HECW2: variants seen among roughly 807,000 people sequenced by gnomAD.
HECW2 encodes the protein E3 ubiquitin-protein ligase HECW2.
A neutral mutation model predicts 175.2 loss-of-function variants in HECW2; 61 were observed. That is an observed-to-expected ratio of 0.35 (90% CI 0.28 to 0.43). The LOEUF (loss-of-function observed/expected upper bound fraction) is 0.43, where lower values mean the gene tolerates loss of function less well. HECW2 is among the 20% of genes least tolerant of loss of function. The pLI is 1.00. For missense variants in HECW2, 1,524 were observed against 2,000.5 expected (o/e 0.76, Z 4.54); for synonymous variants, 671 against 731.0 (o/e 0.92, Z 1.32).
At position 196,319,808 on chromosome 2, in the gene HECW2, T is replaced by C; in HGVS notation, c.1082A>G (p.His361Arg). 1 of 1,614,240 alleles carries C rather than the reference T, an allele frequency of 6.2e-7. No homozygotes were observed. The highest frequency in any genetic ancestry group is 8.5e-7 in the Non-Finnish European group (1 of 1,180,032). Reference sequence around the variant, plus strand: ...ATTAGAGCACACCTGGCTGTCGTGATGGCTCCCTGGCATGTCCTCGTCATC... The same window carrying C: ...ATTAGAGCACACCTGGCTGTCGTGACGGCTCCCTGGCATGTCCTCGTCATC... Reference protein sequence around the residue: ...PSDDEDMPGSHHDSQVCSNGP... With the variant: ...PSDDEDMPGSRHDSQVCSNGP... The change falls in exon 9 of 29, where the codon CAT becomes CGT. Residue 361 changes from histidine (H) to arginine (R), a missense_variant. By Grantham distance (29) the His-to-Arg change is conservative. This residue lies in a region of HECW2 where 604 missense variants were observed against 588.3 expected (regional missense o/e 1.03). Transcript: ENST00000644978.
At chr2:196,261,136 T>G (rs530587101) in intron 17 of HECW2, among the ~76,000 whole-genome samples, 3 of 152,306 alleles carry the variant, frequency 2.0e-5, no homozygotes, top group African/African-American at 7.2e-5. Flanking sequence ...ATCTGCCACT[T>G]ACGCACACTT....
intron 10 of HECW2, among the ~76,000 whole-genome samples, chr2:196,309,187 T>C (rs1178354677): frequency 6.6e-6 from 1 of 152,106 alleles, no homozygotes; most frequent in Non-Finnish European, 1.5e-5. Context: ...GTCCTTAGGG[T>C]TGGAAAGACC....
chr2:196,437,041 G>GA (rs1461717193), intron 1 of HECW2, among the ~76,000 whole-genome samples: 1 of 152,036 alleles, frequency 6.6e-6, no homozygotes, highest in Non-Finnish European at 1.5e-5. Context: ...TTAATTCCAA[G>GA]AGATAACATC....
intron 1 of HECW2, among the ~76,000 whole-genome samples, chr2:196,531,780 G>A (rs1468635757): frequency 6.6e-6 from 1 of 152,014 alleles, no homozygotes; most frequent in Non-Finnish European, 1.5e-5. Context: ...TGTTAACCTA[G>A]TTAACTTCTT....
At chr2:196,265,473 G>A (rs1342188637) in intron 17 of HECW2, among the ~76,000 whole-genome samples, 2 of 152,100 alleles carry the variant, frequency 1.3e-5, no homozygotes, top group African/African-American at 4.8e-5. Flanking sequence ...GTGACAGAGT[G>A]AGACTCTGTC....
At chr2:196,567,049 C>T (rs977295784) in intron 1 of HECW2, among the ~76,000 whole-genome samples, 16 of 152,232 alleles carry the variant, frequency 1.1e-4, no homozygotes, top group South Asian at 6.2e-4. Flanking sequence ...TGAGTGCAGG[C>T]ATAGTCATAA....
chr2:196,587,338 C>A (rs940540499), intron 1 of HECW2, among the ~76,000 whole-genome samples: 1 of 152,186 alleles, frequency 6.6e-6, no homozygotes, highest in Non-Finnish European at 1.5e-5. Flanking sequence ...ATGGGGATAG[C>A]AAGTCCAATA....
intron 2 of HECW2, among the ~76,000 whole-genome samples, chr2:196,376,416 G>A (rs549136189): frequency 1.8e-4 from 28 of 152,124 alleles, no homozygotes; most frequent in African/African-American, 6.5e-4. Flanking sequence ...GAATCACAAC[G>A]TCAGGAGTTT....
At position 196,470,156 on chromosome 2, in the gene HECW2, T is replaced by C. The variant is rs76219195; in HGVS notation, c.-35-36698A>G. On this transcript the variant is annotated intron_variant, in intron 1 of 28. Transcript: ENST00000644978. ...CCAAGTAACAGAGATACCAGGCAAATAAACAACAACAATAATGACAACAAA... is the reference window on the plus strand; with the variant it reads ...CCAAGTAACAGAGATACCAGGCAAACAAACAACAACAATAATGACAACAAA... Among the ~76,000 whole-genome samples the C allele has an allele frequency of 8.9e-3, 1,348 of 152,064 alleles. 19 individuals are homozygous for C. Among genetic ancestry groups the C allele is most frequent in the African/African-American group, 0.03 (1,235 of 41,470 alleles).
At chr2:196,345,923 T>C (rs998587664) in intron 2 of HECW2, among the ~76,000 whole-genome samples, 4 of 152,182 alleles carry the variant, frequency 2.6e-5, no homozygotes, top group African/African-American at 9.7e-5. Flanking sequence ...ACTGGTCACT[T>C]GGAAGGCACA....
chr2:196,310,723 A>T (rs1272784388), intron 10 of HECW2, among the ~76,000 whole-genome samples: 1 of 151,960 alleles, frequency 6.6e-6, no homozygotes, highest in East Asian at 1.9e-4. Flanking sequence ...CACATTGTCA[A>T]ATATGTTATA....
chr2:196,307,167 C>A lies in HECW2; in HGVS notation c.2652G>T (p.Gly884=), dbSNP rs1691297636. The A allele has an allele frequency of 6.2e-7, 1 of 1,613,858 alleles. No homozygotes were observed. Among genetic ancestry groups the A allele is most frequent in the African/African-American group, 1.3e-5 (1 of 74,920 alleles). ...RPEENTNAID[G]AGEEADFHQA... ...GGTGAAAGTCAGCTTCCTCCCCTGC[C>A]CCATCAATAGCATTGGTATTTTCCT... The change falls in exon 12 of 29, where the codon GGG becomes GGT. Residue 884 remains glycine (G), a synonymous_variant. Transcript: ENST00000644978.
chr2:196,231,922 G>A (rs1254842449), intron 21 of HECW2, among the ~76,000 whole-genome samples: 2 of 152,180 alleles, frequency 1.3e-5, no homozygotes, highest in Non-Finnish European at 2.9e-5. Flanking sequence ...CCAGGAGGCA[G>A]AGCTTGCAGT....
chr2:196,581,777 T>A (rs949898202), intron 1 of HECW2, among the ~76,000 whole-genome samples: 1 of 151,998 alleles, frequency 6.6e-6, no homozygotes, highest in South Asian at 2.1e-4. Context: ...TAAAGATAAA[T>A]AAACCATGGA....
At chr2:196,288,045 A>C (rs1203956108) in intron 14 of HECW2, 1 of 151,702 alleles carries the variant, frequency 6.6e-6, no homozygotes, top group African/African-American at 2.4e-5. Context: ...ACATGTGCAC[A>C]ACGTGCAGGT....
At chr2:196,263,458 A>C (rs942452871) in intron 17 of HECW2, 1 of 152,214 alleles carries the variant, frequency 6.6e-6, no homozygotes, top group Non-Finnish European at 1.5e-5. Context: ...TGGATTGCCG[A>C]CTCTGCACAT....
intron 1 of HECW2, among the ~76,000 whole-genome samples, chr2:196,478,170 C>T (rs988373233): frequency 6.6e-6 from 1 of 152,168 alleles, no homozygotes; most frequent in African/African-American, 2.4e-5. Flanking sequence ...GGTTGTGAGG[C>T]ACAGAAACAG....
At chr2:196,336,508 G>A (rs916805400) in intron 3 of HECW2, among the ~76,000 whole-genome samples, 8 of 152,146 alleles carry the variant, frequency 5.3e-5, no homozygotes, top group Non-Finnish European at 7.3e-5. Flanking sequence ...AATGGTTAGC[G>A]AGTGAGCAGG....
chr2:196,295,904 G>T (rs560735099), intron 13 of HECW2, among the ~76,000 whole-genome samples: 1 of 152,256 alleles, frequency 6.6e-6, no homozygotes, highest in African/African-American at 2.4e-5. Flanking sequence ...ATCTGATCTT[G>T]CAAAGAGCAT....
Sources: gnomAD v4.1 joint callset for allele counts (sites outside exome capture counted in the v4.1 genomes callset) on GRCh38, gnomAD v4.1.1 for gene constraint, gnomAD v4.1.1 regional missense constraint, MANE v1.5 for transcripts, NCBI Gene and HGNC (gene_info 2026-07-23, HGNC 2026-07-21) for gene names.